The following GTPBP4 variants were observed in gnomAD, a reference collection of about 807,000 sequenced individuals.
The protein encoded by GTPBP4 is GTP binding protein 4, also known as GTP-binding protein 4.
GTPBP4 carries 15 observed loss-of-function variants against 81.7 expected under a neutral mutation model. The observed-to-expected ratio is 0.18, with a 90% CI of 0.12 to 0.28. The LOEUF (loss-of-function observed/expected upper bound fraction) is 0.28. Among genes scored for constraint, GTPBP4 ranks in the 10% least tolerant of loss-of-function variants. The pLI, the probability that GTPBP4 is intolerant of heterozygous loss-of-function variation, is 1.00. For synonymous variants in GTPBP4, 272 were observed against 274.6 expected, an observed-to-expected ratio of 0.99 and a Z score of 0.09; for missense variants, 847 against 793.8, an observed-to-expected ratio of 1.07 and a Z score of -0.81.
intron 13 of GTPBP4, among the ~76,000 whole-genome samples, chr10:1,010,993 A>ACCACCTTCCCCCC (rs1831853280): frequency 1.4e-5 from 2 of 138,578 alleles, no homozygotes; most frequent in Non-Finnish European, 3.1e-5. Context: ...TGCCTCCTGC[A>ACCACCTTCCCCCC]CCACCTTCCC....
Position 994,949 on chromosome 10 carries a change from T to C in GTPBP4, c.220-980T>C, listed in dbSNP as rs7096004. 1.9e-3 allele frequency among the ~76,000 whole-genome samples: 295 copies of C among 152,098 alleles called. 1 individual carries two copies. The highest frequency in any genetic ancestry group is 6.7e-3 in the African/African-American group (280 of 41,494). On this transcript the variant is annotated intron_variant, in intron 2 of 16. Transcript: ENST00000360803. ...ATGTCAGATGAATGCAGTGAAGCCA[T>C]GGAAGGGAGTAGGGAGTATCTGTGC... is the stretch of plus-strand genomic sequence containing the variant.
chr10:1,011,883 C>T (rs548184105), intron 13 of GTPBP4, among the ~76,000 whole-genome samples: 36 of 152,350 alleles, frequency 2.4e-4, no homozygotes, highest in African/African-American at 6.0e-4. Context: ...TTCCCTCCTC[C>T]GCACAGCTGT....
chr10:990,514 A>C (rs935099544), intron 1 of GTPBP4, among the ~76,000 whole-genome samples: 5 of 152,042 alleles, frequency 3.3e-5, no homozygotes, highest in Non-Finnish European at 7.4e-5. Context: ...CGAGGTCAGG[A>C]GATCGAGACC....
In GTPBP4 at chr10:1,014,433, G is replaced by C. The variant is rs1831939331; in HGVS notation, c.1608+121G>C. The C allele has an allele frequency of 4.5e-6, 3 of 661,388 alleles. No homozygotes were observed. The Admixed American group carries it at 6.4e-5, about 14-fold the overall frequency. The allele number at this position is 661,388 out of a possible 1,614,324, so 41.0% of individuals were successfully genotyped here. ...GCACTTTGGGAGGCCAAGGCGGGCA[G>C]ATCATGATGTCAGGGGTTCGAGACC... On this transcript the variant is annotated intron_variant, in intron 15 of 16. Transcript: ENST00000360803.
intron 15 of GTPBP4, among the ~76,000 whole-genome samples, chr10:1,014,953 C>G (rs890573712): frequency 1.3e-5 from 2 of 151,980 alleles, no homozygotes; most frequent in African/African-American, 4.8e-5. Context: ...ACCCTGTCCT[C>G]TAGATGTGCA....
chr10:1,012,284 C>T (rs1589031582), intron 13 of GTPBP4, 181 bp from the exon 14 acceptor site: 1 of 461,338 alleles, frequency 2.2e-6, no homozygotes, highest in Non-Finnish European at 4.0e-6. Flanking sequence ...TCTCCATTTT[C>T]TTCACAGAAC....
In GTPBP4 at chr10:992,489, G is replaced by A. The variant is rs776704401; in HGVS notation, c.49G>A (p.Asp17Asn). ...TATGTTTTATTTTCTTTAATTGCAG[G>A]ACTTCATAGACCTCACGTTGTCGAA... ...KKITVVPSAK[D>N]FIDLTLSKTQ... The change falls in exon 2 of 17, where the codon GAC becomes AAC. Residue 17 changes from aspartate to asparagine, a missense_variant and splice_region_variant. Coordinates refer to ENST00000360803, the MANE Select transcript of GTPBP4 (RefSeq NM_012341.3). The A allele has an allele frequency of 1.3e-6, 2 of 1,576,098 alleles. No homozygotes were observed. Among genetic ancestry groups the A allele is most frequent in the African/African-American group, 2.7e-5 (2 of 73,840 alleles).
intron 10 of GTPBP4, 64 bp from the exon 11 acceptor site, chr10:1,008,894 C>T (rs139944269): frequency 8.7e-5 from 106 of 1,222,674 alleles, no homozygotes; most frequent in African/African-American, 4.9e-4. Context: ...TCTACTTTTT[C>T]GGCTTTGTAA....
At position 1,017,346 on chromosome 10, in the gene GTPBP4, A is replaced by T; in HGVS notation, c.*119A>T. 2.1e-6 allele frequency: 2 copies of T among 963,904 alleles called. No individual in the cohort carries two copies. Among genetic ancestry groups the T allele is most frequent in the Non-Finnish European group, 3.1e-6 (2 of 639,866 alleles). The allele number at this position is 963,904 out of a possible 1,614,324, so 59.7% of individuals were successfully genotyped here. The stretch of plus-strand genomic sequence containing the variant: ...CTGAAAAAGACAAAATAAGTAAAGC[A>T]CTTGTTGCTTTGCTGAAAACTATGG... On this transcript the variant is annotated 3_prime_UTR_variant, in exon 17 of 17. Transcript: ENST00000360803.
intron 9 of GTPBP4, 71 bp downstream of exon 9, chr10:1,005,978 GA>G: frequency 1.2e-6 from 1 of 812,754 alleles, no homozygotes; most frequent in Non-Finnish European, 2.0e-6. Context: ...GTTGTGGGGA[GA>G]AAATAGTTTT....
chr10:1,017,077 G>T lies in GTPBP4; in HGVS notation c.1755G>T (p.Met585Ile), dbSNP rs1832006362. Residue 585 changes from methionine (M) to isoleucine (I), a missense_variant and splice_region_variant, in exon 17 of 17, where the codon ATG becomes ATT. Coordinates refer to ENST00000360803, the MANE Select transcript of GTPBP4 (RefSeq NM_012341.3). ...RDVSGLRDVK[M>I]VKKAKTMMKN... ...TTATTTTTTTCTCCTCCTTTTAGAT[G>T]GTGAAGAAAGCCAAGACTATGATGA... is the stretch of plus-strand genomic sequence containing the variant. 6.2e-7 allele frequency: 1 copy of T among 1,608,436 alleles called. No individual in the cohort carries two copies. The highest frequency in any genetic ancestry group is 1.1e-5 in the South Asian group (1 of 89,950).
chr10:998,779 G>A (rs1224558052), intron 5 of GTPBP4, among the ~76,000 whole-genome samples: 1 of 152,186 alleles, frequency 6.6e-6, no homozygotes, highest in Non-Finnish European at 1.5e-5. Flanking sequence ...GTGAGGGGAG[G>A]TGGTGGCTGT....
In GTPBP4 at chr10:1,019,552, G is replaced by T. The variant is rs1832051468; in HGVS notation, c.*2325G>T. 6.2e-7 allele frequency: 1 copy of T among 1,613,598 alleles called. No homozygotes were observed. The highest frequency in any genetic ancestry group is 1.3e-5 in the African/African-American group (1 of 74,860). ...TGTATTTTGTGAAGCTCCACAAACG[G>T]GGTCACGTCATCCAGGTGAGGCCAC... On this transcript the variant is annotated 3_prime_UTR_variant, in exon 17 of 17. Transcript: ENST00000360803.
intron 8 of GTPBP4, among the ~76,000 whole-genome samples, chr10:1,005,602 G>A (rs937925313): frequency 6.6e-6 from 1 of 152,188 alleles, no homozygotes; most frequent in African/African-American, 2.4e-5. Context: ...GATGTGAGGG[G>A]CTACTAGTCG....
At chr10:989,777 G>C (rs1831409791) in intron 1 of GTPBP4, among the ~76,000 whole-genome samples, 1 of 152,176 alleles carries the variant, frequency 6.6e-6, no homozygotes, top group Non-Finnish European at 1.5e-5. Flanking sequence ...GTCTCGCTCT[G>C]TTGGCCAGGT....
chr10:990,766 C>T (rs566380951), intron 1 of GTPBP4, among the ~76,000 whole-genome samples: 19 of 142,570 alleles, frequency 1.3e-4, no homozygotes, highest in Non-Finnish European at 2.4e-4. Flanking sequence ...AGTCATATCT[C>T]GTATGACCAT....
intron 2 of GTPBP4, among the ~76,000 whole-genome samples, chr10:994,739 A>G (rs1831508744): frequency 6.6e-6 from 1 of 152,224 alleles, no homozygotes; most frequent in Non-Finnish European, 1.5e-5. Context: ...AAATGTATTA[A>G]CATTCTATTA....
chr10:1,015,278 C>T (rs537757703), intron 15 of GTPBP4, among the ~76,000 whole-genome samples: 9 of 152,262 alleles, frequency 5.9e-5, no homozygotes, highest in South Asian at 4.1e-4. Flanking sequence ...TTTTCAAGAC[C>T]TTTAGCCCAT....
At chr10:1,015,988 A>T in intron 16 of GTPBP4, 92 bp downstream of exon 16, 1 of 1,151,494 alleles carries the variant, frequency 8.7e-7, no homozygotes, top group Non-Finnish European at 1.3e-6. Flanking sequence ...TGCCATTTGC[A>T]GGAACTATGG....
Sources: gnomAD v4.1 joint callset for allele counts (sites outside exome capture counted in the v4.1 genomes callset) on GRCh38, gnomAD v4.1.1 for gene constraint, MANE v1.5 for transcripts, NCBI Gene and HGNC (gene_info 2026-07-23, HGNC 2026-07-21) for gene names.